SYT6: variants seen among roughly 807,000 people sequenced by gnomAD.
SYT6 encodes synaptotagmin-6.
Under a neutral mutation model 38.4 loss-of-function variants are expected in SYT6, and 24 were observed. The ratio of observed to expected loss-of-function variants is 0.62; its 90% CI spans 0.45 to 0.88. The LOEUF (loss-of-function observed/expected upper bound fraction) is 0.88. Among genes scored for constraint, SYT6 ranks in the 40% least tolerant of loss-of-function variants. SYT6 has a pLI of 0.00. For synonymous variants in SYT6, 265 were observed against 241.9 expected (o/e 1.10, Z -0.89); for missense variants, 611 against 621.0 (o/e 0.98, Z 0.17).
chr1:114,108,243 A>G (rs1358333799), intron 3 of SYT6, among the ~76,000 whole-genome samples: 1 of 152,192 alleles, frequency 6.6e-6, no homozygotes, highest in Non-Finnish European at 1.5e-5. Context: ...TCTGGAGAGT[A>G]AGATTCTTAA....
At chr1:114,113,299 G>A (rs1170509894) in intron 3 of SYT6, among the ~76,000 whole-genome samples, 2 of 152,074 alleles carry the variant, frequency 1.3e-5, no homozygotes, top group Non-Finnish European at 2.9e-5. Flanking sequence ...GGTTTCCTGT[G>A]CCAGCCTCTT....
At chr1:114,147,481 A>C (rs936053923) in intron 1 of SYT6, among the ~76,000 whole-genome samples, 1 of 152,232 alleles carries the variant, frequency 6.6e-6, no homozygotes, top group Non-Finnish European at 1.5e-5. Context: ...AAACCATAGT[A>C]GCCAACTCTC....
At chr1:114,113,188 A>G (rs1676790020) in intron 3 of SYT6, among the ~76,000 whole-genome samples, 1 of 152,160 alleles carries the variant, frequency 6.6e-6, no homozygotes, top group African/African-American at 2.4e-5. Context: ...AAGGTGCTCC[A>G]TAGAGAAGCT....
intron 3 of SYT6, among the ~76,000 whole-genome samples, chr1:114,112,747 G>A (rs1403832838): frequency 6.6e-6 from 1 of 152,242 alleles, no homozygotes; most frequent in African/African-American, 2.4e-5. Context: ...GGTGGGGGTA[G>A]TAAAGGGTAC....
Position 114,139,960 on chromosome 1 carries a change from G to T in SYT6, c.167C>A (p.Thr56Asn), listed in dbSNP as rs1428907138. Residue 56 changes from threonine (T) to asparagine (N), a missense_variant, in exon 2 of 8, where the codon ACC (threonine) becomes AAC (asparagine). Thr to Asn is a moderately conservative substitution (Grantham distance 65). Coordinates refer to ENST00000610222, the MANE Select transcript of SYT6 (RefSeq NM_001253772.2). ...ERSPSAAGAG[T>N]SVSLLAVVVI... ...TACAACTGCGAGGAGGCTGACAGAG[G>T]TGCCTGCCCTCGGCATGAGCCAGGC... The T allele has an allele frequency of 4.0e-6, 6 of 1,495,960 alleles. No individual in the cohort carries two copies. Among genetic ancestry groups the T allele is most frequent in the Admixed American group, 2.3e-5 (1 of 43,272 alleles). 92.7% of individuals were successfully genotyped at this position (1,495,960 alleles called of 1,614,324 possible). A position where few individuals can be genotyped will look rare whatever the true frequency, so the allele number is the denominator to read the frequency against.
Position 114,097,786 on chromosome 1 carries a change from G to A in SYT6, c.1456C>T (p.Pro486Ser). The part of the protein sequence containing the change: ...RDHWNEMLAY[P>S]RKPIAHWHSL... The stretch of plus-strand genomic sequence containing the variant: ...TGCCAGTGTGCGATGGGCTTCCGGG[G>A]GTATGCCAGCATCTCGTTCCAGTGG... The change falls in exon 6 of 8, where the codon CCC (proline) becomes TCC (serine). Residue 486 changes from proline (P) to serine (S), a missense_variant. By Grantham distance (74) the Pro-to-Ser change is moderately conservative. Transcript: ENST00000610222. 1 of 1,614,040 alleles carries A rather than the reference G, an allele frequency of 6.2e-7. No individual in the cohort carries two copies. The highest frequency in any genetic ancestry group is 1.1e-5 in the South Asian group (1 of 91,076).
At position 114,093,792 on chromosome 1, in the gene SYT6, C is replaced by G. The variant is rs1312530817; in HGVS notation, c.1527G>C (p.Arg509=). 1 of 1,614,064 alleles carries G rather than the reference C, an allele frequency of 6.2e-7. No individual in the cohort carries two copies. Among genetic ancestry groups the G allele is most frequent in the Non-Finnish European group, 8.5e-7 (1 of 1,179,996 alleles). Residue 509 remains arginine (R), a synonymous_variant, in exon 7 of 8, where the codon CGG becomes CGC. Coordinates refer to ENST00000610222, the MANE Select transcript of SYT6 (RefSeq NM_001253772.2). The stretch of plus-strand genomic sequence containing the variant: ...AGCATCCACGTGAATGAAATCACAA[C>G]CGAGGGTTTCCCTGGTGAAATATTT... The part of the protein sequence containing the change: ...VKKSFKEGNP[R]L
At chr1:114,124,560 G>A (rs1246159655) in intron 3 of SYT6, among the ~76,000 whole-genome samples, 1 of 152,206 alleles carries the variant, frequency 6.6e-6, no homozygotes, top group Non-Finnish European at 1.5e-5. Context: ...CATCACAACA[G>A]ACCTTCAGTT....
chr1:114,097,693 G>A (rs1157458890), intron 6 of SYT6, 34 bp downstream of exon 6: 1 of 1,608,758 alleles, frequency 6.2e-7, no homozygotes, highest in African/African-American at 1.3e-5. Flanking sequence ...CTGCCATGCA[G>A]CAAACATGCC....
At chr1:114,105,361 C>T (rs574055754) in intron 3 of SYT6, among the ~76,000 whole-genome samples, 1 of 145,408 alleles carries the variant, frequency 6.9e-6, no homozygotes, top group Non-Finnish European at 1.5e-5. Context: ...CCAGAGCCTG[C>T]GCTCACCGCA....
intron 1 of SYT6, among the ~76,000 whole-genome samples, chr1:114,147,872 ATTC>A (rs1318224617): frequency 3.3e-5 from 5 of 152,170 alleles, no homozygotes; most frequent in Admixed American, 2.6e-4. Flanking sequence ...AGCTGCTGTT[ATTC>A]TTCATGTTTT....
Position 114,137,582 on chromosome 1 carries a change from A to G in SYT6, c.984T>C (p.Ile328=). ...DFDRFSRHDM[I]GEVILDNLFE... ...AGAGGTTGTCCAGGATGACCTCGCC[A>G]ATCATGTCATGGCGGGAGAAGCGGT... Residue 328 remains isoleucine (I), a synonymous_variant, in exon 3 of 8, where the codon ATT becomes ATC. Transcript: ENST00000610222. 6.2e-7 allele frequency: 1 copy of G among 1,614,190 alleles called. No homozygotes were observed. Among genetic ancestry groups the G allele is most frequent in the Non-Finnish European group, 8.5e-7 (1 of 1,180,036 alleles).
chr1:114,147,763 G>T (rs913309364), intron 1 of SYT6, among the ~76,000 whole-genome samples: 1 of 152,232 alleles, frequency 6.6e-6, no homozygotes, highest in African/African-American at 2.4e-5. Flanking sequence ...ATTTAGTCAG[G>T]ATTCGAATTA....
chr1:114,132,467 A>G (rs1008990133), intron 3 of SYT6, among the ~76,000 whole-genome samples: 10 of 152,176 alleles, frequency 6.6e-5, no homozygotes, highest in Admixed American at 1.3e-4. Context: ...GAGAATGGGT[A>G]GCTCTGTTCT....
At chr1:114,093,832 C>A (rs970092806) in intron 6 of SYT6, 29 bp from the exon 7 acceptor site, 1 of 1,610,964 alleles carries the variant, frequency 6.2e-7, no homozygotes, top group African/African-American at 1.3e-5. Context: ...TAAATAAATG[C>A]CTGGTTGTTG....
At chr1:114,119,458 C>T (rs1483879725) in intron 3 of SYT6, among the ~76,000 whole-genome samples, 1 of 152,248 alleles carries the variant, frequency 6.6e-6, no homozygotes, top group Admixed American at 6.5e-5. Context: ...TCATTGAGCA[C>T]TTGCTGTGTG....
At chr1:114,126,616 G>C (rs895679435) in intron 3 of SYT6, among the ~76,000 whole-genome samples, 2 of 152,228 alleles carry the variant, frequency 1.3e-5, no homozygotes, top group Admixed American at 6.5e-5. Flanking sequence ...GGGAAGCAAC[G>C]GGAAGTACAT....
intron 3 of SYT6, among the ~76,000 whole-genome samples, chr1:114,112,095 G>A (rs1571844299): frequency 6.6e-6 from 1 of 152,076 alleles, no homozygotes; most frequent in East Asian, 1.9e-4. Context: ...ACTCTCAAGT[G>A]CTTCTCTGCC....
intron 4 of SYT6, among the ~76,000 whole-genome samples, chr1:114,099,598 C>G (rs1571819695): frequency 6.6e-6 from 1 of 152,274 alleles, no homozygotes. Flanking sequence ...CTCGTCAATC[C>G]CTGGCTGACT....
Sources: gnomAD v4.1 joint callset for allele counts (sites outside exome capture counted in the v4.1 genomes callset) on GRCh38, gnomAD v4.1.1 for gene constraint, MANE v1.5 for transcripts, NCBI Gene and HGNC (gene_info 2026-07-23, HGNC 2026-07-21) for gene names.